Variants in ULK4 observed in about 807,000 individuals in gnomAD.
ULK4 encodes the protein inactive serine/threonine-protein kinase ULK4.
In ULK4, 133 loss-of-function variants were observed where a neutral mutation model predicts 160.6. That is an observed-to-expected ratio of 0.83 (90% CI 0.72 to 0.96). The LOEUF (loss-of-function observed/expected upper bound fraction) is 0.96, where lower values mean the gene tolerates loss of function less well. Among genes scored for constraint, ULK4 ranks in the 40% least tolerant of loss-of-function variants. The pLI is 0.00. For missense variants in ULK4, 1,580 were observed against 1,499.5 expected, an observed-to-expected ratio of 1.05 and a Z score of -0.89; for synonymous variants, 534 against 539.8, an observed-to-expected ratio of 0.99 and a Z score of 0.15.
chr3:41,303,360 C>A (rs533067659), intron 35 of ULK4, among the ~76,000 whole-genome samples: 2 of 152,132 alleles, frequency 1.3e-5, no homozygotes, highest in Non-Finnish European at 2.9e-5. Flanking sequence ...TTCTAGTTCA[C>A]GCTAGAGTAT....
intron 12 of ULK4, among the ~76,000 whole-genome samples, chr3:41,902,622 G>A (rs1470446243): frequency 3.6e-5 from 5 of 140,058 alleles, no homozygotes; most frequent in East Asian, 2.1e-4. Context: ...AGAATGAAGA[G>A]GAAGTTTGTT....
Position 41,484,742 on chromosome 3 carries a change from G to A in ULK4, c.3227-21489C>T, listed in dbSNP as rs140582064. 6.3e-3 allele frequency among the ~76,000 whole-genome samples: 954 copies of A among 152,212 alleles called. 10 individuals are homozygous for A. Among genetic ancestry groups the A allele is most frequent in the African/African-American group, 0.022 (896 of 41,516 alleles). On this transcript the variant is annotated intron_variant, in intron 32 of 36. Coordinates refer to ENST00000301831, the MANE Select transcript of ULK4 (RefSeq NM_017886.4). ...GCTGGGATTACAGGCGTGAGCCACCGCGCCCGGCCCGAGTGACCTTTTTAC... is the reference window on the plus strand; with the variant it reads ...GCTGGGATTACAGGCGTGAGCCACCACGCCCGGCCCGAGTGACCTTTTTAC...
At chr3:41,793,902 T>C (rs2040219809) in intron 20 of ULK4, among the ~76,000 whole-genome samples, 4 of 152,194 alleles carry the variant, frequency 2.6e-5, no homozygotes, top group Admixed American at 2.6e-4. Flanking sequence ...GTTAGTTATA[T>C]TTTACTCTAA....
At chr3:41,946,859 G>C (rs921124812) in intron 2 of ULK4, among the ~76,000 whole-genome samples, 1 of 152,118 alleles carries the variant, frequency 6.6e-6, no homozygotes, top group South Asian at 2.1e-4. Context: ...AAAGCTTCTT[G>C]TCTGAAAATT....
intron 6 of ULK4, among the ~76,000 whole-genome samples, chr3:41,919,114 TC>T (rs1699081366): frequency 2.0e-5 from 3 of 151,930 alleles, no homozygotes; most frequent in Non-Finnish European, 4.4e-5. Flanking sequence ...GCCATTCAAA[TC>T]ATCTGAATAA....
intron 17 of ULK4, among the ~76,000 whole-genome samples, chr3:41,867,103 T>A (rs1696915516): frequency 6.6e-6 from 1 of 152,228 alleles, no homozygotes; most frequent in Admixed American, 6.5e-5. Flanking sequence ...GACATCAATT[T>A]TTTATCTATT....
At chr3:41,283,890 T>C (rs899933224) in intron 35 of ULK4, among the ~76,000 whole-genome samples, 3 of 151,968 alleles carry the variant, frequency 2.0e-5, no homozygotes, top group African/African-American at 7.3e-5. Flanking sequence ...CAAAAATCAG[T>C]AGCTCTTCTA....
At chr3:41,342,854 C>T (rs939705695) in intron 35 of ULK4, among the ~76,000 whole-genome samples, 9 of 152,112 alleles carry the variant, frequency 5.9e-5, no homozygotes, top group South Asian at 2.1e-4. Context: ...CCCCAGGAAG[C>T]GAGGTTGGTT....
intron 20 of ULK4, 57 bp from the exon 21 acceptor site, chr3:41,789,900 C>T: frequency 7.1e-7 from 1 of 1,400,746 alleles, no homozygotes; most frequent in Non-Finnish European, 9.5e-7. Flanking sequence ...AATCATTCCC[C>T]TGAAAGGTAA....
chr3:41,754,696 C>T (rs1164845620), intron 21 of ULK4, among the ~76,000 whole-genome samples: 2 of 152,102 alleles, frequency 1.3e-5, no homozygotes, highest in Admixed American at 6.6e-5. Flanking sequence ...AAAAAGTTGA[C>T]AATGTTGTCC....
chr3:41,726,460 A>C (rs1325029843), intron 22 of ULK4, among the ~76,000 whole-genome samples: 1 of 152,258 alleles, frequency 6.6e-6, no homozygotes, highest in African/African-American at 2.4e-5. Context: ...ACATTTGAGC[A>C]TAGTGTCCCA....
chr3:41,690,296 T>C (rs921826580), intron 27 of ULK4, among the ~76,000 whole-genome samples: 43 of 150,438 alleles, frequency 2.9e-4, no homozygotes, highest in African/African-American at 9.5e-4. Context: ...TGTTGTGGGG[T>C]AGGGGGAGTG....
intron 32 of ULK4, among the ~76,000 whole-genome samples, chr3:41,469,626 A>AAC (rs1575266687): frequency 2.0e-5 from 3 of 147,432 alleles, no homozygotes; most frequent in East Asian, 4.0e-4. Flanking sequence ...AAAAAAAAAA[A>AAC]ACACCTTAAA....
intron 22 of ULK4, among the ~76,000 whole-genome samples, chr3:41,739,715 T>C (rs907140107): frequency 6.6e-6 from 1 of 151,914 alleles, no homozygotes; most frequent in Admixed American, 6.6e-5. Context: ...CAAGATGACA[T>C]GTTTCTCCAA....
At chr3:41,398,647 C>A (rs2082116414) in intron 34 of ULK4, among the ~76,000 whole-genome samples, 1 of 151,636 alleles carries the variant, frequency 6.6e-6, no homozygotes, top group Non-Finnish European at 1.5e-5. Flanking sequence ...CTTCCTCAGC[C>A]TCCCAAAGTG....
Position 41,698,862 on chromosome 3 carries a change from T to C in ULK4, c.2781+6195A>G, listed in dbSNP as rs369929202. ...TATCATGACTTGGAATAGTTTTGTC[T>C]ATTCTTAACTTTTTTGCAAGTGGAA... On this transcript the variant is annotated intron_variant, in intron 27 of 36. Transcript: ENST00000301831. 1.0e-3 allele frequency among the ~76,000 whole-genome samples: 154 copies of C among 152,334 alleles called. 4 individuals carry two copies. The South Asian group carries it at 0.031, about 31-fold the overall frequency.
intron 30 of ULK4, among the ~76,000 whole-genome samples, chr3:41,646,256 G>A (rs2034483231): frequency 6.6e-6 from 1 of 152,122 alleles, no homozygotes; most frequent in Non-Finnish European, 1.5e-5. Context: ...TGGTTATTTT[G>A]CTCGTTAGTT....
At chr3:41,824,163 TAAAAAAAAAAAAA>T (rs78604753) in intron 18 of ULK4, among the ~76,000 whole-genome samples, 2 of 117,812 alleles carry the variant, frequency 1.7e-5, no homozygotes, top group Non-Finnish European at 3.4e-5. Flanking sequence ...ACTCTATCTT[TAAAAAAAAAAAAA>T]AAAAAAGGAG....
chr3:41,469,622 A>C (rs909342839), intron 32 of ULK4, among the ~76,000 whole-genome samples: 2 of 148,872 alleles, frequency 1.3e-5, no homozygotes, highest in African/African-American at 5.0e-5. Flanking sequence ...AAAAAAAAAA[A>C]AAAAACACCT....
Sources: allele counts gnomAD v4.1 joint callset (sites outside exome capture counted in the v4.1 genomes callset), GRCh38; gene constraint gnomAD v4.1.1; transcripts MANE v1.5; gene names NCBI Gene and HGNC (gene_info 2026-07-23, HGNC 2026-07-21).